TBC1D22B: variants seen among roughly 807,000 people sequenced by gnomAD.
TBC1D22B encodes the protein TBC1 domain family member 22B.
A neutral mutation model predicts 69.1 loss-of-function variants in TBC1D22B; 32 were observed. The ratio of observed to expected loss-of-function variants is 0.46; its 90% CI spans 0.35 to 0.62. TBC1D22B has a LOEUF of 0.62. Ranked by LOEUF, TBC1D22B falls within the 20% of genes least tolerant of loss-of-function variation. The probability of loss-of-function intolerance (pLI) is 0.00; values close to 1 mark genes in which losing one functional copy is unlikely to be tolerated. For synonymous variants in TBC1D22B, 206 were observed against 229.8 expected, an observed-to-expected ratio of 0.90 and a Z score of 0.94; for missense variants, 462 against 630.9, an observed-to-expected ratio of 0.73 and a Z score of 2.87.
chr6:37,317,060 C>G lies in TBC1D22B; in HGVS notation c.1294-51C>G, dbSNP rs3734330. 2.9e-4 allele frequency: 445 copies of G among 1,533,000 alleles called. 5 individuals carry two copies. In the East Asian group the frequency reaches 0.011, roughly 37 times the overall value. 95.0% of individuals were successfully genotyped at this position (1,533,000 alleles called of 1,614,324 possible). A position where few individuals can be genotyped will look rare whatever the true frequency, so the allele number is the denominator to read the frequency against. On this transcript the variant is annotated intron_variant, in intron 11 of 12. Transcript: ENST00000373491. Reference sequence around the variant, plus strand: ...AGGAATGGAACTGAGAGGACCAGAGCTGAATCTTTGTCAGGGCTGGGAGAC... The same window carrying G: ...AGGAATGGAACTGAGAGGACCAGAGGTGAATCTTTGTCAGGGCTGGGAGAC...
intron 6 of TBC1D22B, among the ~76,000 whole-genome samples, chr6:37,285,315 CTTTTTTTTTTTTT>C (rs756459599): frequency 1.6e-3 from 115 of 73,562 alleles, no homozygotes; most frequent in Non-Finnish European, 2.3e-3. Flanking sequence ...TCCTTCCCCA[CTTTTTTTTTTTTT>C]TTTTTTTTTT....
chr6:37,290,037 G>A (rs6908216), intron 7 of TBC1D22B, among the ~76,000 whole-genome samples: 5 of 152,244 alleles, frequency 3.3e-5, no homozygotes, highest in South Asian at 4.2e-4. Context: ...TAGGCACAAC[G>A]ATCTATGACA....
At chr6:37,267,350 T>TAC (rs1160417812) in intron 1 of TBC1D22B, among the ~76,000 whole-genome samples, 2 of 122,752 alleles carry the variant, frequency 1.6e-5, no homozygotes, top group African/African-American at 4.0e-5. Flanking sequence ...AATATATATA[T>TAC]ACACACATAT....
intron 7 of TBC1D22B, among the ~76,000 whole-genome samples, chr6:37,288,915 G>T (rs1311802296): frequency 6.6e-6 from 1 of 151,922 alleles, no homozygotes; most frequent in Admixed American, 6.6e-5. Flanking sequence ...AAGAGACAGG[G>T]TCTCACTCTG....
intron 1 of TBC1D22B, among the ~76,000 whole-genome samples, chr6:37,259,084 C>T (rs904334836): frequency 9.3e-5 from 14 of 150,956 alleles, no homozygotes; most frequent in African/African-American, 2.7e-4. Context: ...TCTCTGACTC[C>T]TGGCCTCAAG....
chr6:37,285,719 C>T (rs778108593), intron 6 of TBC1D22B, among the ~76,000 whole-genome samples: 2 of 152,242 alleles, frequency 1.3e-5, no homozygotes, highest in Non-Finnish European at 2.9e-5. Context: ...TCTTGAACTC[C>T]TGGCCTCAGG....
intron 1 of TBC1D22B, among the ~76,000 whole-genome samples, chr6:37,268,718 T>A (rs1289993400): frequency 2.6e-5 from 4 of 152,234 alleles, no homozygotes; most frequent in Admixed American, 1.3e-4. Context: ...TTTATAATAT[T>A]ACTCTGCATG....
At chr6:37,330,715 ATACTT>A (rs1386954615) in intron 12 of TBC1D22B, among the ~76,000 whole-genome samples, 3 of 152,220 alleles carry the variant, frequency 2.0e-5, no homozygotes, top group Non-Finnish European at 4.4e-5. Context: ...CTGAAAATGA[ATACTT>A]TAAGATTAAG....
At chr6:37,295,631 A>G (rs1014241613) in intron 8 of TBC1D22B, 30 of 434,058 alleles carry the variant, frequency 6.9e-5, no homozygotes, top group Non-Finnish European at 1.1e-4. Context: ...ACTATTATCA[A>G]TGGCACTGTC....
chr6:37,267,874 C>T (rs1766357686), intron 1 of TBC1D22B, among the ~76,000 whole-genome samples: 1 of 152,192 alleles, frequency 6.6e-6, no homozygotes, highest in South Asian at 2.1e-4. Flanking sequence ...GAGCTATCTG[C>T]TTTAAATATC....
At chr6:37,304,696 AT>A (rs58267445) in intron 8 of TBC1D22B, among the ~76,000 whole-genome samples, 22 of 150,226 alleles carry the variant, frequency 1.5e-4, no homozygotes, top group South Asian at 2.1e-4. Flanking sequence ...GGATGGGGGC[AT>A]TTTTTTTTTA....
intron 2 of TBC1D22B, among the ~76,000 whole-genome samples, chr6:37,271,525 G>A (rs11756258): frequency 0.18 from 27,331 of 151,990 alleles, 2,651 homozygotes; most frequent in Non-Finnish European, 0.21. Context: ...TGTGGGAGAG[G>A]GGAGTGTATA....
At chr6:37,279,638 C>T (rs761615222) in intron 3 of TBC1D22B, 27 bp downstream of exon 3, 1 of 1,573,366 alleles carries the variant, frequency 6.4e-7, no homozygotes, top group East Asian at 2.3e-5. Context: ...CCCTTCATAG[C>T]CTCAGCCTTC....
chr6:37,303,634 C>T (rs951944233), intron 8 of TBC1D22B, among the ~76,000 whole-genome samples: 11 of 152,144 alleles, frequency 7.2e-5, no homozygotes, highest in African/African-American at 2.7e-4. Flanking sequence ...GTTAAATGTC[C>T]AGGTTTTCTA....
chr6:37,281,795 A>C (rs1766838176), intron 3 of TBC1D22B, among the ~76,000 whole-genome samples: 1 of 152,204 alleles, frequency 6.6e-6, no homozygotes. Flanking sequence ...GCACCAAGAA[A>C]AGTTCCAAGT....
chr6:37,306,743 T>G (rs1366077165), intron 8 of TBC1D22B, among the ~76,000 whole-genome samples: 1 of 152,228 alleles, frequency 6.6e-6, no homozygotes, highest in African/African-American at 2.4e-5. Flanking sequence ...ACCCATGCTA[T>G]CCTATACTGA....
chr6:37,308,139 C>T (rs1767793909), intron 8 of TBC1D22B, among the ~76,000 whole-genome samples: 2 of 152,286 alleles, frequency 1.3e-5, no homozygotes, highest in South Asian at 4.2e-4. Context: ...GGATGCCTTG[C>T]CTTTTAAAAT....
chr6:37,267,504 A>ATATATAATATATATACAC (rs1424117115), intron 1 of TBC1D22B, among the ~76,000 whole-genome samples: 190 of 2,274 alleles, frequency 0.084, 7 homozygotes, highest in African/African-American at 0.21. Context: ...TATATACACT[A>ATATATAATATATATACAC]TATATATAAT....
rs1166584342 is a variant in TBC1D22B, at chr6:37,331,865, C to T, written c.*693C>T. The T allele has an allele frequency of 6.6e-6, 1 of 152,604 alleles. No homozygotes were observed. The highest frequency in any genetic ancestry group is 1.5e-5 in the Non-Finnish European group (1 of 68,050). The allele number at this position is 152,604 out of a possible 1,614,324, so 9.5% of individuals were successfully genotyped here. ...CTGTGTCCAGACGAGCCCCATCAAA[C>T]TAGTTGGGAAGGGCCCCAGTGACCA... On this transcript the variant is annotated 3_prime_UTR_variant, in exon 13 of 13. Coordinates refer to ENST00000373491, the MANE Select transcript of TBC1D22B (RefSeq NM_017772.4).
Sources: allele counts gnomAD v4.1 joint callset (sites outside exome capture counted in the v4.1 genomes callset), GRCh38; gene constraint gnomAD v4.1.1; transcripts MANE v1.5; gene names NCBI Gene and HGNC (gene_info 2026-07-23, HGNC 2026-07-21).